Variants in FSTL5 observed in about 807,000 individuals in gnomAD.
FSTL5 encodes the protein follistatin like 5, also known as follistatin-related protein 5.
In FSTL5, 62 loss-of-function variants were observed where a neutral mutation model predicts 89.1. The ratio of observed to expected loss-of-function variants is 0.70; its 90% CI spans 0.57 to 0.86. The LOEUF is 0.86. Among genes scored for constraint, FSTL5 ranks in the 40% least tolerant of loss-of-function variants. The pLI, the probability that FSTL5 is intolerant of heterozygous loss-of-function variation, is 0.00. For synonymous variants in FSTL5, 383 were observed against 346.2 expected, an observed-to-expected ratio of 1.11 and a Z score of -1.18; for missense variants, 1,057 against 1,001.6, an observed-to-expected ratio of 1.06 and a Z score of -0.75.
At chr4:161,717,183 G>A (rs915923170) in intron 6 of FSTL5, among the ~76,000 whole-genome samples, 4 of 152,056 alleles carry the variant, frequency 2.6e-5, no homozygotes, top group African/African-American at 7.2e-5. Flanking sequence ...AAAGATAAAC[G>A]GTCTTTTTAT....
At chr4:161,802,841 G>T (rs1729841244) in intron 4 of FSTL5, among the ~76,000 whole-genome samples, 1 of 151,678 alleles carries the variant, frequency 6.6e-6, no homozygotes, top group African/African-American at 2.4e-5. Flanking sequence ...ACTTTGTGCT[G>T]GAAGATAGTT....
intron 15 of FSTL5, among the ~76,000 whole-genome samples, chr4:161,401,814 A>T (rs938501648): frequency 3.9e-5 from 6 of 152,164 alleles, no homozygotes; most frequent in Admixed American, 1.3e-4. Context: ...GGCATGAGCC[A>T]CCGCACCCAG....
At chr4:161,880,337 A>G (rs1020286159) in intron 4 of FSTL5, among the ~76,000 whole-genome samples, 17 of 152,074 alleles carry the variant, frequency 1.1e-4, no homozygotes, top group African/African-American at 4.1e-4. Context: ...TATTTCATTT[A>G]CCACACTCAG....
At chr4:161,769,667 G>A (rs1017097412) in intron 5 of FSTL5, among the ~76,000 whole-genome samples, 1 of 151,602 alleles carries the variant, frequency 6.6e-6, no homozygotes, top group Non-Finnish European at 1.5e-5. Context: ...AGAAAACTGG[G>A]GATAGAAGAA....
At chr4:161,934,509 C>T (rs1346239792) in intron 3 of FSTL5, among the ~76,000 whole-genome samples, 1 of 152,040 alleles carries the variant, frequency 6.6e-6, no homozygotes, top group Non-Finnish European at 1.5e-5. Flanking sequence ...TTTTAAAAAC[C>T]TCATATGATC....
At chr4:162,112,775 T>TCACACACACACA (rs71598742) in intron 1 of FSTL5, among the ~76,000 whole-genome samples, 5,265 of 139,306 alleles carry the variant, frequency 0.038, 148 homozygotes, top group East Asian at 0.074. Flanking sequence ...ACCGACACAA[T>TCACACACACACA]CACACACACA....
intron 6 of FSTL5, among the ~76,000 whole-genome samples, chr4:161,703,232 A>G (rs1418965971): frequency 6.6e-6 from 1 of 152,046 alleles, no homozygotes; most frequent in African/African-American, 2.4e-5. Context: ...ATTTTGTTAC[A>G]ACAGCACTAG....
chr4:161,875,301 C>T (rs1288284678), intron 4 of FSTL5, among the ~76,000 whole-genome samples: 4 of 152,190 alleles, frequency 2.6e-5, no homozygotes, highest in Non-Finnish European at 4.4e-5. Context: ...AGGAAATTGG[C>T]TGTCCCCAAC....
At chr4:161,902,271 C>T (rs1252674138) in intron 4 of FSTL5, among the ~76,000 whole-genome samples, 2 of 152,112 alleles carry the variant, frequency 1.3e-5, no homozygotes, top group African/African-American at 2.4e-5. Flanking sequence ...TATTAATTCA[C>T]TGAGTTGAAA....
chr4:161,950,704 A>C (rs543674089), intron 3 of FSTL5, among the ~76,000 whole-genome samples: 1 of 152,130 alleles, frequency 6.6e-6, no homozygotes, highest in Non-Finnish European at 1.5e-5. Context: ...ACCTGTTCTC[A>C]GCCTACAATG....
chr4:162,004,476 T>A (rs1736555601), intron 3 of FSTL5, among the ~76,000 whole-genome samples: 1 of 152,136 alleles, frequency 6.6e-6, no homozygotes, highest in African/African-American at 2.4e-5. Flanking sequence ...TCCAGTCACA[T>A]GCGTCTTCTT....
At chr4:161,906,651 T>C (rs979231548) in intron 4 of FSTL5, among the ~76,000 whole-genome samples, 28 of 152,084 alleles carry the variant, frequency 1.8e-4, no homozygotes, top group Admixed American at 9.2e-4. Context: ...GATTTGCCTA[T>C]GAATAACAAA....
At chr4:161,653,527 T>A (rs1429414248) in intron 7 of FSTL5, among the ~76,000 whole-genome samples, 1 of 152,096 alleles carries the variant, frequency 6.6e-6, no homozygotes, top group African/African-American at 2.4e-5. Flanking sequence ...GGGGTAAGAA[T>A]TGCCATAACA....
At chr4:162,003,654 G>A (rs893037855) in intron 3 of FSTL5, among the ~76,000 whole-genome samples, 3 of 152,098 alleles carry the variant, frequency 2.0e-5, no homozygotes, top group Non-Finnish European at 4.4e-5. Flanking sequence ...CATAGGAATG[G>A]CCAATGTAGT....
chr4:161,456,787 A>T (rs887541618), intron 14 of FSTL5, among the ~76,000 whole-genome samples: 19 of 152,228 alleles, frequency 1.2e-4, no homozygotes, highest in Non-Finnish European at 1.5e-4. Context: ...TGGCATAGCA[A>T]AAATGCCTTG....
chr4:161,678,093 T>C (rs1277029547), intron 6 of FSTL5, among the ~76,000 whole-genome samples: 2 of 151,780 alleles, frequency 1.3e-5, no homozygotes, highest in East Asian at 3.9e-4. Context: ...AATATACATA[T>C]CTGTGATGAA....
At position 161,610,159 on chromosome 4, in the gene FSTL5, T is replaced by TA. The variant is rs1026488308; in HGVS notation, c.895-22585dup. 3.2e-3 allele frequency among the ~76,000 whole-genome samples: 466 copies of TA among 147,154 alleles called. 2 individuals are homozygous for TA. The highest frequency in any genetic ancestry group is 8.8e-3 in the African/African-American group (354 of 40,378). ...GGATTATTGAAACTCTTCTTGCTAG[T>TA]AAAAAAAAAAGGATAACAATATGAG... On this transcript the variant is annotated intron_variant, in intron 7 of 15. Transcript: ENST00000306100.
chr4:161,595,766 A>G (rs1163614319), intron 7 of FSTL5, among the ~76,000 whole-genome samples: 1 of 151,988 alleles, frequency 6.6e-6, no homozygotes, highest in African/African-American at 2.4e-5. Flanking sequence ...CAGGTTTTTA[A>G]CCATATTGTT....
intron 7 of FSTL5, among the ~76,000 whole-genome samples, chr4:161,600,276 T>C (rs917471541): frequency 1.4e-4 from 21 of 151,780 alleles, no homozygotes; most frequent in African/African-American, 4.6e-4. Context: ...TATACATTTA[T>C]GGTAAAAATA....
Sources: allele counts gnomAD v4.1 joint callset (sites outside exome capture counted in the v4.1 genomes callset), GRCh38; gene constraint gnomAD v4.1.1; transcripts MANE v1.5; gene names NCBI Gene and HGNC (gene_info 2026-07-23, HGNC 2026-07-21).